The following RTN4 variants were observed in gnomAD, a reference collection of about 807,000 sequenced individuals.
RTN4 encodes the protein reticulon 4, also known as reticulon-4.
In RTN4, 32 loss-of-function variants were observed where a neutral mutation model predicts 90.4. The ratio of observed to expected loss-of-function variants is 0.35; its 90% confidence interval spans 0.27 to 0.48. RTN4 has a LOEUF of 0.48. Ranked by LOEUF, RTN4 falls within the 20% of genes least tolerant of loss-of-function variation. RTN4 has a pLI of 0.99. For synonymous variants in RTN4, 629 were observed against 552.5 expected (o/e 1.14, Z -1.94); for missense variants, 1,706 against 1,430.2 (o/e 1.19, Z -3.11).
chr2:55,035,084 C>A (rs1229978627), intron 1 of RTN4, among the ~76,000 whole-genome samples: 1 of 151,986 alleles, frequency 6.6e-6, no homozygotes, highest in Non-Finnish European at 1.5e-5. Flanking sequence ...AATCAAAGAA[C>A]CCAAAAAGCA....
intron 3 of RTN4, among the ~76,000 whole-genome samples, chr2:55,017,784 C>T (rs1681149603): frequency 6.6e-6 from 1 of 152,118 alleles, no homozygotes; most frequent in South Asian, 2.1e-4. Context: ...AATATCCTTA[C>T]ATATGTGAGA....
chr2:55,022,850 A>C (rs1681539823), intron 3 of RTN4, among the ~76,000 whole-genome samples: 1 of 150,206 alleles, frequency 6.7e-6, no homozygotes, highest in Admixed American at 6.7e-5. Context: ...TGGCCATTAT[A>C]ATCAACCTGA....
At chr2:55,120,133 C>T in the RTN4 span, among the ~76,000 whole-genome samples, 1 of 152,238 alleles carries the variant, frequency 6.6e-6, no homozygotes, top group East Asian at 1.9e-4. Context: ...CCAGGCCTTG[C>T]CTTGGCAGAA....
intron 1 of RTN4, among the ~76,000 whole-genome samples, chr2:55,107,789 G>A (rs1329289231): frequency 6.6e-6 from 1 of 151,990 alleles, no homozygotes; most frequent in Non-Finnish European, 1.5e-5. Context: ...TCTCACCCTT[G>A]GTCAACTATA....
chr2:55,039,445 TA>T (rs1682913813), intron 1 of RTN4, among the ~76,000 whole-genome samples: 1 of 152,002 alleles, frequency 6.6e-6, no homozygotes, highest in Non-Finnish European at 1.5e-5. Context: ...ATTCTAACTG[TA>T]AAAATAAAAA....
At chr2:55,106,247 T>C (rs1404715119) in intron 1 of RTN4, among the ~76,000 whole-genome samples, 2 of 152,118 alleles carry the variant, frequency 1.3e-5, no homozygotes, top group Non-Finnish European at 2.9e-5. Flanking sequence ...GACGCACATA[T>C]TCCACTTGGG....
chr2:55,127,238 C>G, the RTN4 span, among the ~76,000 whole-genome samples: 2 of 152,048 alleles, frequency 1.3e-5, no homozygotes, highest in Non-Finnish European at 2.9e-5. Flanking sequence ...CAAAAGCTGC[C>G]CCAAGAGGTG....
rs200885212 is a variant in RTN4 at position 55,027,126 on chromosome 2, C to T, written c.973G>A (p.Val325Met). 3.1e-6 allele frequency: 5 copies of T among 1,613,264 alleles called. No individual in the cohort carries two copies. In the South Asian group the frequency reaches 3.3e-5, roughly 11 times the overall value. Residue 325 changes from valine to methionine, a missense_variant, in exon 3 of 9, where the codon GTG (valine) becomes ATG (methionine). Coordinates refer to ENST00000337526, the MANE Select transcript of RTN4 (RefSeq NM_020532.5). The stretch of plus-strand genomic sequence containing the variant: ...TTCTCTTCTTCATCTTTATTTTTCA[C>T]GATTATTTCTTCCCTAGGATTTGCT... ...IVANPREEII[V>M]KNKDEEEKLV...
chr2:54,975,736 A>G (rs891682150), intron 5 of RTN4, among the ~76,000 whole-genome samples: 1 of 152,214 alleles, frequency 6.6e-6, no homozygotes, highest in Non-Finnish European at 1.5e-5. Flanking sequence ...CTTACTGACC[A>G]TTAATTAAGC....
intron 1 of RTN4, among the ~76,000 whole-genome samples, chr2:55,037,135 C>G (rs1297975701): frequency 6.6e-6 from 1 of 152,106 alleles, no homozygotes; most frequent in Non-Finnish European, 1.5e-5. Context: ...ATATCACTCA[C>G]TGTAACAAAA....
chr2:54,998,686 C>T (rs1679633638), intron 3 of RTN4, among the ~76,000 whole-genome samples: 3 of 152,156 alleles, frequency 2.0e-5, no homozygotes, highest in Admixed American at 2.0e-4. Flanking sequence ...ATGCTTGCTG[C>T]ACTGTCTGAA....
At chr2:55,043,868 A>G (rs912604695) in intron 1 of RTN4, among the ~76,000 whole-genome samples, 6 of 152,152 alleles carry the variant, frequency 3.9e-5, no homozygotes, top group Admixed American at 2.0e-4. Flanking sequence ...CCTGGGCTAC[A>G]GAGCAAGACT....
intron 5 of RTN4, among the ~76,000 whole-genome samples, chr2:54,975,826 A>G (rs1347925244): frequency 1.3e-5 from 2 of 152,260 alleles, no homozygotes; most frequent in East Asian, 3.8e-4. Flanking sequence ...TTCTACAAAT[A>G]GCAACACTCT....
intron 1 of RTN4, among the ~76,000 whole-genome samples, chr2:55,081,454 A>G (rs1344612392): frequency 1.3e-5 from 2 of 152,336 alleles, no homozygotes; most frequent in African/African-American, 2.4e-5. Flanking sequence ...GCATATATGC[A>G]GAACAGCATT....
intron 2 of RTN4, among the ~76,000 whole-genome samples, chr2:55,059,931 G>A (rs1668259616): frequency 6.6e-6 from 1 of 152,002 alleles, no homozygotes; most frequent in South Asian, 2.1e-4. Context: ...TCCTGCCTTG[G>A]CCTCCCAAAG....
intron 2 of RTN4, among the ~76,000 whole-genome samples, chr2:55,057,591 C>T (rs977920410): frequency 6.6e-6 from 1 of 152,148 alleles, no homozygotes; most frequent in Non-Finnish European, 1.5e-5. Context: ...GCAATTAAGA[C>T]TTGATAAGTC....
chr2:55,089,455 T>C (rs377218060), intron 1 of RTN4, among the ~76,000 whole-genome samples: 1 of 152,340 alleles, frequency 6.6e-6, no homozygotes, highest in African/African-American at 2.4e-5. Flanking sequence ...TGTCTACTTC[T>C]ACAGTTCTTT....
the RTN4 span, among the ~76,000 whole-genome samples, chr2:55,123,265 A>G: frequency 2.0e-5 from 3 of 152,224 alleles, no homozygotes; most frequent in Non-Finnish European, 4.4e-5. Context: ...AAAAAATGCC[A>G]AAGGAAACAT....
upstream of RTN4, chr2:55,050,483 T>C (rs1480871015): frequency 9.7e-6 from 4 of 411,252 alleles, no homozygotes; most frequent in East Asian, 7.3e-5. This position sits in a 1 kb window ranked among gnomAD's most constrained non-coding sequence, Gnocchi z 4.6. Flanking sequence ...GCGCCGGTGA[T>C]GCGCCACCCG....
Sources: allele counts gnomAD v4.1 joint callset (sites outside exome capture counted in the v4.1 genomes callset), GRCh38; gene constraint gnomAD v4.1.1; non-coding constraint Gnocchi (gnomAD v3.1); transcripts MANE v1.5; gene names NCBI Gene and HGNC (gene_info 2026-07-23, HGNC 2026-07-21).